Variants in YIPF4 observed in about 807,000 individuals in gnomAD.
The protein encoded by YIPF4 is Yip1 domain family member 4.
A neutral mutation model predicts 29.4 loss-of-function variants in YIPF4; 18 were observed. That is an observed-to-expected ratio of 0.61 (90% CI 0.42 to 0.91). The LOEUF (loss-of-function observed/expected upper bound fraction) is 0.91. Among genes scored for constraint, YIPF4 ranks in the 40% least tolerant of loss-of-function variants. The pLI, the probability that YIPF4 is intolerant of heterozygous loss-of-function variation, is 0.00. For missense variants in YIPF4, 279 were observed against 282.7 expected, an observed-to-expected ratio of 0.99 and a Z score of 0.09; for synonymous variants, 115 against 104.7, an observed-to-expected ratio of 1.10 and a Z score of -0.60.
chr2:32,294,964 G>A (rs1308483474), intron 3 of YIPF4, among the ~76,000 whole-genome samples: 1 of 152,084 alleles, frequency 6.6e-6, no homozygotes. Flanking sequence ...GCACTCGGCA[G>A]GCTGAGGCAG....
intron 1 of YIPF4, among the ~76,000 whole-genome samples, chr2:32,282,282 G>C (rs1483286101): frequency 6.6e-6 from 1 of 152,070 alleles, no homozygotes; most frequent in Non-Finnish European, 1.5e-5. Flanking sequence ...CAAAACCAAA[G>C]AGCTATTCTG....
intron 1 of YIPF4, among the ~76,000 whole-genome samples, chr2:32,280,109 C>T (rs183976419): frequency 1.5e-3 from 218 of 148,452 alleles, no homozygotes; most frequent in East Asian, 6.1e-3. Context: ...TCTGTGCCAC[C>T]GTGCCCAGCT....
chr2:32,286,998 A>G (rs1446875590), intron 1 of YIPF4, among the ~76,000 whole-genome samples: 2 of 152,138 alleles, frequency 1.3e-5, no homozygotes, highest in African/African-American at 4.8e-5. Context: ...TAATCCCAGC[A>G]CTTTGGGAGG....
chr2:32,285,374 T>C (rs1170114511), intron 1 of YIPF4, among the ~76,000 whole-genome samples: 2 of 152,184 alleles, frequency 1.3e-5, no homozygotes, highest in Non-Finnish European at 2.9e-5. Flanking sequence ...CAATAGGTTA[T>C]ATAAATCTAG....
At chr2:32,301,350 T>C (rs1401517692) in intron 4 of YIPF4, 32 bp from the exon 5 acceptor site, 1 of 1,341,328 alleles carries the variant, frequency 7.5e-7, no homozygotes, top group South Asian at 1.2e-5. Flanking sequence ...TTGATTTCAA[T>C]GATATTTATT....
intron 1 of YIPF4, among the ~76,000 whole-genome samples, chr2:32,287,952 C>T (rs1030561550): frequency 6.6e-5 from 10 of 152,028 alleles, no homozygotes; most frequent in African/African-American, 2.4e-4. Context: ...TCATGTTTTA[C>T]TATCTGGACG....
intron 1 of YIPF4, among the ~76,000 whole-genome samples, chr2:32,288,458 C>T (rs1203312626): frequency 6.6e-6 from 1 of 152,136 alleles, no homozygotes; most frequent in Non-Finnish European, 1.5e-5. Flanking sequence ...ACTGCAAAAC[C>T]TCTAATGTCA....
intron 1 of YIPF4, among the ~76,000 whole-genome samples, chr2:32,279,158 A>G (rs1260478945): frequency 4.0e-5 from 6 of 151,042 alleles, no homozygotes; most frequent in Admixed American, 1.3e-4. Context: ...TTTAGTAGAG[A>G]TGAGGTTTCA....
intron 5 of YIPF4, among the ~76,000 whole-genome samples, chr2:32,304,846 A>AGTAT (rs1360102299): frequency 6.6e-6 from 1 of 152,216 alleles, no homozygotes; most frequent in Non-Finnish European, 1.5e-5. Context: ...ATAATTTAAA[A>AGTAT]GTATGTATGT....
Position 32,308,494 on chromosome 2 carries a change from A to T in YIPF4, c.*2868A>T, listed in dbSNP as rs1356211109. Reference sequence around the variant, plus strand: ...TTTGGGAGGCCGAGGCAGGTGGATCACCTGAGGTTGGGAGTTTGAGACCAG... The same window carrying T: ...TTTGGGAGGCCGAGGCAGGTGGATCTCCTGAGGTTGGGAGTTTGAGACCAG... On this transcript the variant is annotated 3_prime_UTR_variant, in exon 6 of 6. Coordinates refer to ENST00000238831, the MANE Select transcript of YIPF4 (RefSeq NM_032312.4). 6.6e-6 allele frequency: 1 copy of T among 151,802 alleles called. No individual in the cohort carries two copies. Among genetic ancestry groups the T allele is most frequent in the Non-Finnish European group, 1.5e-5 (1 of 68,236 alleles). The allele number at this position is 151,802 out of a possible 1,614,324, so 9.4% of individuals were successfully genotyped here. A position where few individuals can be genotyped will look rare whatever the true frequency, so the allele number is the denominator to read the frequency against.
chr2:32,294,886 G>A (rs1198830260), intron 3 of YIPF4, among the ~76,000 whole-genome samples: 3 of 152,334 alleles, frequency 2.0e-5, no homozygotes, highest in Middle Eastern at 3.4e-3. Flanking sequence ...CCAACACAGC[G>A]AAACCCCGTC....
In YIPF4 at chr2:32,306,325, T is replaced by C; in HGVS notation, c.*699T>C. The C allele has an allele frequency of 3.0e-6, 3 of 985,766 alleles. No homozygotes were observed. The highest frequency in any genetic ancestry group is 3.6e-6 in the Non-Finnish European group (3 of 829,864). The allele number at this position is 985,766 out of a possible 1,614,324, so 61.1% of individuals were successfully genotyped here. A position where few individuals can be genotyped will look rare whatever the true frequency, so the allele number is the denominator to read the frequency against. On this transcript the variant is annotated 3_prime_UTR_variant, in exon 6 of 6. Transcript: ENST00000238831. ...TGTTTGGGTATACTTTTCAAAACCA[T>C]TTTTGAATGTCCAAACATCTGATTT...
intron 2 of YIPF4, 143 bp from the exon 3 acceptor site, chr2:32,292,034 A>T: frequency 2.1e-6 from 1 of 484,282 alleles, no homozygotes. Context: ...GGAATTAGTG[A>T]AATGTGGCAC....
intron 1 of YIPF4, among the ~76,000 whole-genome samples, chr2:32,280,357 C>G (rs1352637469): frequency 1.3e-5 from 2 of 149,924 alleles, no homozygotes; most frequent in African/African-American, 4.9e-5. Flanking sequence ...GTCTTGATCT[C>G]CTGATCTTGT....
At chr2:32,281,663 A>T (rs2030419542) in intron 1 of YIPF4, among the ~76,000 whole-genome samples, 1 of 151,920 alleles carries the variant, frequency 6.6e-6, no homozygotes, top group African/African-American at 2.4e-5. Flanking sequence ...TGAGGTGGGC[A>T]GTTGGCTTAA....
chr2:32,279,328 C>T (rs180727529), intron 1 of YIPF4, among the ~76,000 whole-genome samples: 33 of 150,942 alleles, frequency 2.2e-4, no homozygotes, highest in Admixed American at 1.7e-3. Flanking sequence ...ACCAGACTTA[C>T]TGGCTGCTAT....
intron 1 of YIPF4, among the ~76,000 whole-genome samples, chr2:32,282,729 G>A (rs747612097): frequency 1.3e-5 from 2 of 151,686 alleles, no homozygotes; most frequent in Non-Finnish European, 1.5e-5. Context: ...ACTGTGCCCC[G>A]CCAACTTACC....
intron 1 of YIPF4, among the ~76,000 whole-genome samples, chr2:32,279,038 G>A (rs1283814727): frequency 6.6e-6 from 1 of 151,660 alleles, no homozygotes; most frequent in Admixed American, 6.6e-5. Flanking sequence ...CGCGATCTCG[G>A]CTCACTGCAA....
At chr2:32,302,318 T>G (rs778315869) in intron 5 of YIPF4, among the ~76,000 whole-genome samples, 1 of 151,968 alleles carries the variant, frequency 6.6e-6, no homozygotes, top group African/African-American at 2.4e-5. Context: ...CGTGAGCCAC[T>G]GCTCCCGGCT....
Sources: gnomAD v4.1 joint callset for allele counts (sites outside exome capture counted in the v4.1 genomes callset) on GRCh38, gnomAD v4.1.1 for gene constraint, MANE v1.5 for transcripts, NCBI Gene and HGNC (gene_info 2026-07-23, HGNC 2026-07-21) for gene names.